CPQ: variants seen among roughly 807,000 people sequenced by gnomAD.
The protein encoded by CPQ is carboxypeptidase Q.
Under a neutral mutation model 45.7 loss-of-function variants are expected in CPQ, and 37 were observed. The ratio of observed to expected loss-of-function variants is 0.81; its 90% CI spans 0.62 to 1.07. CPQ has a LOEUF of 1.07. CPQ is among the 50% of genes least tolerant of loss of function. The pLI is 0.00. For missense variants in CPQ, 537 were observed against 572.9 expected, an observed-to-expected ratio of 0.94 and a Z score of 0.64; for synonymous variants, 186 against 205.8, an observed-to-expected ratio of 0.90 and a Z score of 0.82.
chr8:96,996,056 G>C (rs1809174108), intron 5 of CPQ, among the ~76,000 whole-genome samples: 1 of 151,980 alleles, frequency 6.6e-6, no homozygotes, highest in Admixed American at 6.6e-5. Flanking sequence ...CGAGGAAGGA[G>C]AGAAAGCCAG....
chr8:96,747,069 T>A (rs1810195619), intron 1 of CPQ, among the ~76,000 whole-genome samples: 1 of 152,136 alleles, frequency 6.6e-6, no homozygotes. Flanking sequence ...GGCGGGTGGA[T>A]CACCTGAGGT....
intron 1 of CPQ, among the ~76,000 whole-genome samples, chr8:96,656,075 A>G (rs1815634190): frequency 6.6e-6 from 1 of 152,112 alleles, no homozygotes; most frequent in East Asian, 1.9e-4. Flanking sequence ...GCTGGTCTTG[A>G]ACTCCTGGGC....
intron 1 of CPQ, among the ~76,000 whole-genome samples, chr8:96,662,914 G>C (rs1054544971): frequency 6.6e-6 from 1 of 152,188 alleles, no homozygotes. Flanking sequence ...CCTGAGCCCT[G>C]TAAGGGTGAG....
intron 3 of CPQ, among the ~76,000 whole-genome samples, chr8:96,858,141 C>G (rs1310577497): frequency 6.6e-6 from 1 of 152,076 alleles, no homozygotes; most frequent in African/African-American, 2.4e-5. Flanking sequence ...TATATGAAGA[C>G]TGTGTCTTAA....
At chr8:96,772,497 C>G (rs1655699580) in intron 1 of CPQ, among the ~76,000 whole-genome samples, 1 of 151,924 alleles carries the variant, frequency 6.6e-6, no homozygotes, top group Non-Finnish European at 1.5e-5. Flanking sequence ...TAGATGAGCT[C>G]AAATGATATA....
At chr8:97,094,375 G>T (rs1811177386) in intron 7 of CPQ, among the ~76,000 whole-genome samples, 1 of 152,152 alleles carries the variant, frequency 6.6e-6, no homozygotes, top group Admixed American at 6.5e-5. Flanking sequence ...TCACTAAACA[G>T]TTCATGGCAT....
At position 96,875,092 on chromosome 8, in the gene CPQ, C is replaced by T. The variant is rs181507560; in HGVS notation, c.642-4706C>T. On this transcript the variant is annotated intron_variant, in intron 3 of 7. Coordinates refer to ENST00000220763, the MANE Select transcript of CPQ (RefSeq NM_016134.4). The stretch of plus-strand genomic sequence containing the variant: ...TTCCTTTATAGCTAATCATGTTCAG[C>T]ATCTTTTCATGTAATTATAGTCCAT... 4.5e-3 allele frequency among the ~76,000 whole-genome samples: 689 copies of T among 151,950 alleles called. 10 individuals carry two copies. The highest frequency in any genetic ancestry group is 0.014 in the African/African-American group (594 of 41,546).
chr8:97,033,283 T>C (rs555855803), intron 6 of CPQ, among the ~76,000 whole-genome samples: 101 of 152,296 alleles, frequency 6.6e-4, no homozygotes, highest in African/African-American at 2.4e-3. Context: ...AATCAGAAAA[T>C]TATAGCTGAT....
chr8:96,916,562 C>T (rs1416349687), intron 4 of CPQ, among the ~76,000 whole-genome samples: 1 of 151,956 alleles, frequency 6.6e-6, no homozygotes, highest in Admixed American at 6.6e-5. Context: ...TAGCCCACAC[C>T]CAGTTCTCCC....
At chr8:96,713,121 G>A in intron 1 of CPQ, among the ~76,000 whole-genome samples, 1 of 152,054 alleles carries the variant, frequency 6.6e-6, no homozygotes, top group East Asian at 1.9e-4. Context: ...ACCTCAGCCT[G>A]CACTTCATTG....
intron 7 of CPQ, among the ~76,000 whole-genome samples, chr8:97,091,168 C>G (rs10955100): frequency 0.11 from 17,491 of 152,106 alleles, 1,697 homozygotes; most frequent in African/African-American, 0.26. Context: ...TGGGGACCAT[C>G]CTATGACTGT....
rs1230697716 is a variant in CPQ, at chr8:96,930,701, A to G, written c.850-35234A>G. On this transcript the variant is annotated intron_variant, in intron 4 of 7. Transcript: ENST00000220763. ...ATGACAACTCCCTTCACAGGATCATACAGACACCTGTCATTTGAATGCCTG... is the reference window on the plus strand; with the variant it reads ...ATGACAACTCCCTTCACAGGATCATGCAGACACCTGTCATTTGAATGCCTG... Among the ~76,000 whole-genome samples, 7 of 152,190 alleles carry G rather than the reference A, an allele frequency of 4.6e-5. No homozygotes were observed. In the East Asian group the frequency reaches 1.2e-3, roughly 25 times the overall value.
At chr8:97,138,002 C>A (rs1812093812) in intron 7 of CPQ, among the ~76,000 whole-genome samples, 1 of 152,212 alleles carries the variant, frequency 6.6e-6, no homozygotes, top group South Asian at 2.1e-4. Context: ...TCAGACTGGA[C>A]CTCTTCTCCA....
intron 6 of CPQ, among the ~76,000 whole-genome samples, chr8:97,040,551 C>A (rs1292049031): frequency 6.6e-6 from 1 of 152,158 alleles, no homozygotes; most frequent in Non-Finnish European, 1.5e-5. Flanking sequence ...GACATGAAGG[C>A]CTTGCCCATG....
At chr8:96,867,499 ATG>A in intron 3 of CPQ, among the ~76,000 whole-genome samples, 1 of 152,174 alleles carries the variant, frequency 6.6e-6, no homozygotes, top group Non-Finnish European at 1.5e-5. Context: ...AAAATTAAGA[ATG>A]TTATATAGGT....
At chr8:96,885,760 G>A (rs1365929871) in intron 4 of CPQ, among the ~76,000 whole-genome samples, 2 of 152,104 alleles carry the variant, frequency 1.3e-5, no homozygotes, top group Admixed American at 1.3e-4. Flanking sequence ...AGGCCGAGGC[G>A]GGCAGATAAC....
rs71267281 is a variant in CPQ, at chr8:96,787,525, C to CTTTTTTTTTTTTTTTTTTTT, written c.433+2206_433+2225dup. Reference sequence around the variant, plus strand: ...TTGTAGTTTCATTTTCTTATAATGTCTTTTTTTTTTTTTTTTTTTTTTTTT... The same window carrying CTTTTTTTTTTTTTTTTTTTT: ...TTGTAGTTTCATTTTCTTATAATGTCTTTTTTTTTTTTTTTTTTTTTTTTTTTTTTTTTTTTTTTTTTTTT... On this transcript the variant is annotated intron_variant, in intron 2 of 7. Transcript: ENST00000220763. Among the ~76,000 whole-genome samples, 107 of 47,582 alleles carry CTTTTTTTTTTTTTTTTTTTT rather than the reference C, an allele frequency of 2.2e-3. 31 individuals carry two copies. Among genetic ancestry groups the CTTTTTTTTTTTTTTTTTTTT allele is most frequent in the East Asian group, 3.4e-3 (3 of 892 alleles). 31.2% of individuals were successfully genotyped at this position (47,582 alleles called of 152,430 possible).
intron 3 of CPQ, among the ~76,000 whole-genome samples, chr8:96,849,674 T>C (rs1394171722): frequency 1.3e-5 from 2 of 152,170 alleles, no homozygotes; most frequent in African/African-American, 4.8e-5. Context: ...CATGGATTGG[T>C]GCAGCCCTTC....
Position 97,034,075 on chromosome 8 carries a change from AAAC to A in CPQ, c.1053+4584_1053+4586del, listed in dbSNP as rs575703934. The stretch of plus-strand genomic sequence containing the variant: ...CGTGCTAGAATTTACTAAATTTACT[AAAC>A]AATTTATTAAATTATAAAGGATGTG... On this transcript the variant is annotated intron_variant, in intron 6 of 7. Coordinates refer to ENST00000220763, the MANE Select transcript of CPQ (RefSeq NM_016134.4). Among the ~76,000 whole-genome samples the A allele has an allele frequency of 2.9e-3, 449 of 152,296 alleles. 1 individual carries two copies. The highest frequency in any genetic ancestry group is 9.3e-3 in the African/African-American group (386 of 41,586).
Sources: gnomAD v4.1 joint callset for allele counts (sites outside exome capture counted in the v4.1 genomes callset) on GRCh38, gnomAD v4.1.1 for gene constraint, MANE v1.5 for transcripts, NCBI Gene and HGNC (gene_info 2026-07-23, HGNC 2026-07-21) for gene names.